The following VOPP1 variants were observed in gnomAD, a reference collection of about 807,000 sequenced individuals.
VOPP1 encodes VOPP1 WW domain binding protein, also known as WW domain binding protein VOPP1.
VOPP1 carries 8 observed loss-of-function variants against 23.5 expected under a neutral mutation model. That is an observed-to-expected ratio of 0.34 (90% CI 0.20 to 0.61). VOPP1 has a LOEUF of 0.61. Among genes scored for constraint, VOPP1 ranks in the 20% least tolerant of loss-of-function variants. The probability of loss-of-function intolerance (pLI) is 0.78; values close to 1 mark genes in which losing one functional copy is unlikely to be tolerated. For missense variants in VOPP1, 174 were observed against 238.1 expected (o/e 0.73, Z 1.77); for synonymous variants, 83 against 97.3 (o/e 0.85, Z 0.86).
chr7:55,570,814 C>T (rs1189884821), intron 1 of VOPP1, among the ~76,000 whole-genome samples: 1 of 151,958 alleles, frequency 6.6e-6, no homozygotes, highest in Non-Finnish European at 1.5e-5. Flanking sequence ...TAGTGGTGGG[C>T]GCCTGTAGTC....
chr7:55,469,134 T>G (rs1183576884), downstream of VOPP1, among the ~76,000 whole-genome samples: 1 of 152,196 alleles, frequency 6.6e-6, no homozygotes, highest in Non-Finnish European at 1.5e-5. Flanking sequence ...ACAAAATGCC[T>G]AGAAGTGGTC....
At chr7:55,490,535 GA>G (rs1343702077) in intron 4 of VOPP1, among the ~76,000 whole-genome samples, 6 of 152,198 alleles carry the variant, frequency 3.9e-5, no homozygotes, top group Admixed American at 3.3e-4. Flanking sequence ...GCTCGGCCAG[GA>G]CCACGGACCA....
chr7:55,523,941 G>A (rs892201806), intron 1 of VOPP1, among the ~76,000 whole-genome samples: 1 of 152,192 alleles, frequency 6.6e-6, no homozygotes, highest in African/African-American at 2.4e-5. Flanking sequence ...AAAGTAGAAA[G>A]TATTTTTTAA....
chr7:55,447,686 T>C (rs1408793757), intron 4 of VOPP1, among the ~76,000 whole-genome samples: 3 of 152,210 alleles, frequency 2.0e-5, no homozygotes, highest in Non-Finnish European at 4.4e-5. Flanking sequence ...CATATACATA[T>C]GTATCTCTAG....
chr7:55,542,250 C>A (rs1797164706), intron 1 of VOPP1, among the ~76,000 whole-genome samples: 1 of 152,144 alleles, frequency 6.6e-6, no homozygotes. Context: ...ATATTTATCA[C>A]TTCCTGTGTT....
At chr7:55,455,441 G>GA (rs1018835098) in intron 4 of VOPP1, among the ~76,000 whole-genome samples, 7 of 152,062 alleles carry the variant, frequency 4.6e-5, no homozygotes, top group African/African-American at 1.4e-4. Flanking sequence ...CACAGAATTG[G>GA]AAAAAAACTA....
chr7:55,512,309 C>CT (rs1795124682), intron 2 of VOPP1, among the ~76,000 whole-genome samples: 1 of 152,006 alleles, frequency 6.6e-6, no homozygotes, highest in African/African-American at 2.4e-5. Flanking sequence ...GCCTGTAATC[C>CT]CAGCTACCCA....
intron 2 of VOPP1, among the ~76,000 whole-genome samples, chr7:55,507,187 G>GTGGC: frequency 6.6e-6 from 1 of 152,336 alleles, no homozygotes; most frequent in South Asian, 2.1e-4. Context: ...GTGGAAAGTA[G>GTGGC]TGGCTCTCAG....
downstream of VOPP1, among the ~76,000 whole-genome samples, chr7:55,435,370 G>A (rs961251599): frequency 6.6e-5 from 10 of 152,286 alleles, no homozygotes; most frequent in Admixed American, 2.0e-4. Context: ...TGTGGGAGGC[G>A]GACATGGCAG....
intron 1 of VOPP1, among the ~76,000 whole-genome samples, chr7:55,525,334 A>G (rs1742914300): frequency 1.3e-5 from 2 of 152,158 alleles, no homozygotes; most frequent in South Asian, 4.1e-4. Context: ...TAAAAGTACA[A>G]AAAAATTAGC....
In VOPP1 at chr7:55,478,392, T is replaced by C. The variant is rs373320098; in HGVS notation, c.329-5347A>G. 2.5e-3 allele frequency among the ~76,000 whole-genome samples: 382 copies of C among 151,686 alleles called. 2 individuals are homozygous for C. Among genetic ancestry groups the C allele is most frequent in the African/African-American group, 8.6e-3 (357 of 41,292 alleles). ...ATTATTACCAGGAGCAAATACAGAA[T>C]GAAGTCAGGAAAAAAAAGCCCAAGG... On this transcript the variant is annotated intron_variant, in intron 4 of 4. Transcript: ENST00000285279.
At chr7:55,549,115 T>C (rs1442140385) in intron 1 of VOPP1, among the ~76,000 whole-genome samples, 2 of 152,038 alleles carry the variant, frequency 1.3e-5, no homozygotes, top group East Asian at 1.9e-4. Flanking sequence ...CAACAGACAA[T>C]GGGCAGTCCA....
At position 55,544,159 on chromosome 7, in the gene VOPP1, T is replaced by C. The variant is rs532706111; in HGVS notation, c.55-23029A>G. On this transcript the variant is annotated intron_variant, in intron 1 of 4. Transcript: ENST00000285279. ...GTACAGTTTTCCCAGCACCATTTAT[T>C]GAAGAGACAATGTCCTTTGCCCAAT... Among the ~76,000 whole-genome samples the C allele has an allele frequency of 2.0e-5, 3 of 152,364 alleles. No individual in the cohort carries two copies. The South Asian group carries it at 6.2e-4, about 32-fold the overall frequency.
intron 4 of VOPP1, among the ~76,000 whole-genome samples, chr7:55,484,235 G>C (rs11770090): frequency 0.17 from 26,268 of 152,168 alleles, 2,406 homozygotes; most frequent in Middle Eastern, 0.27. Flanking sequence ...AAGTGGTTTA[G>C]AATGTGGACA....
chr7:55,503,687 T>C (rs549055551), intron 2 of VOPP1, among the ~76,000 whole-genome samples: 189 of 151,942 alleles, frequency 1.2e-3, no homozygotes, highest in Non-Finnish European at 7.8e-4. Flanking sequence ...CGTGACAGGG[T>C]TGGGGGTCTC....
At chr7:55,536,111 C>T (rs752258325) in intron 1 of VOPP1, among the ~76,000 whole-genome samples, 1 of 152,206 alleles carries the variant, frequency 6.6e-6, no homozygotes, top group East Asian at 1.9e-4. Context: ...GTTCAGGAAA[C>T]CTTTGGTGGA....
At chr7:55,473,162 GAAGGACCC>G (rs1791967657) in intron 4 of VOPP1, 117 bp from the exon 5 acceptor site, 8 of 1,440,174 alleles carry the variant, frequency 5.6e-6, no homozygotes, top group Non-Finnish European at 6.4e-6. Flanking sequence ...GACAGTGTAT[GAAGGACCC>G]AACATGCCCG....
chr7:55,533,779 C>T (rs1796623617), intron 1 of VOPP1, among the ~76,000 whole-genome samples: 1 of 152,214 alleles, frequency 6.6e-6, no homozygotes, highest in Non-Finnish European at 1.5e-5. Context: ...CAGTCATCAA[C>T]ATAGTGATGG....
At chr7:55,465,653 T>G (rs894548392), downstream of VOPP1, among the ~76,000 whole-genome samples, 1 of 152,256 alleles carries the variant, frequency 6.6e-6, no homozygotes, top group Admixed American at 6.5e-5. Flanking sequence ...TTATCCACTA[T>G]GTGCAAGCTT....
Sources: gnomAD v4.1 joint callset for allele counts (sites outside exome capture counted in the v4.1 genomes callset) on GRCh38, gnomAD v4.1.1 for gene constraint, MANE v1.5 for transcripts, NCBI Gene and HGNC (gene_info 2026-07-23, HGNC 2026-07-21) for gene names.